LETM1: variants seen among roughly 807,000 people sequenced by gnomAD.
LETM1 encodes mitochondrial proton/calcium exchanger protein.
Under a neutral mutation model 74.5 loss-of-function variants are expected in LETM1, and 50 were observed. That is an observed-to-expected ratio of 0.67 (90% confidence interval 0.53 to 0.85). The LOEUF is 0.85. Ranked by LOEUF, LETM1 falls within the 40% of genes least tolerant of loss-of-function variation. LETM1 has a pLI of 0.00. For synonymous variants in LETM1, 446 were observed against 407.1 expected, an observed-to-expected ratio of 1.10 and a Z score of -1.15; for missense variants, 824 against 967.8, an observed-to-expected ratio of 0.85 and a Z score of 1.97.
At chr4:1,833,062 G>A (rs1257416653) in intron 5 of LETM1, 115 bp from the exon 6 acceptor site, 3 of 835,038 alleles carry the variant, frequency 3.6e-6, no homozygotes, top group Non-Finnish European at 5.8e-6. Context: ...TCAAACCACT[G>A]ACTACTTCTT....
intron 10 of LETM1, 113 bp downstream of exon 10, chr4:1,822,068 A>G (rs1711798507): frequency 1.8e-6 from 2 of 1,105,820 alleles, no homozygotes; most frequent in South Asian, 6.8e-5. Context: ...ATCTCCTCTC[A>G]CTGAGGGCTA....
chr4:1,845,518 C>T (rs1002897829), intron 2 of LETM1, among the ~76,000 whole-genome samples: 1 of 151,544 alleles, frequency 6.6e-6, no homozygotes, highest in South Asian at 2.1e-4. Flanking sequence ...GAAACATTAC[C>T]ACCATCCATA....
intron 1 of LETM1, among the ~76,000 whole-genome samples, chr4:1,849,939 C>G (rs780309682): frequency 6.6e-6 from 1 of 152,182 alleles, no homozygotes; most frequent in Non-Finnish European, 1.5e-5. Flanking sequence ...AGTGGATCAC[C>G]TGAGGCCAGG....
intron 6 of LETM1, among the ~76,000 whole-genome samples, chr4:1,831,335 C>T (rs767233299): frequency 1.3e-4 from 20 of 152,228 alleles, no homozygotes; most frequent in Non-Finnish European, 2.4e-4. Context: ...TGCGGGACAG[C>T]GGTGCTGCTT....
rs1195868183 is a variant in LETM1, at chr4:1,841,359, C to T, written c.582G>A (p.Arg194=). 1 of 1,611,902 alleles carries T rather than the reference C, an allele frequency of 6.2e-7. No homozygotes were observed. Among genetic ancestry groups the T allele is most frequent in the African/African-American group, 1.3e-5 (1 of 74,918 alleles). The change falls in exon 3 of 14, where the codon CGG becomes CGA. Residue 194 remains arginine, a synonymous_variant. Coordinates refer to ENST00000302787, the MANE Select transcript of LETM1 (RefSeq NM_012318.3). The part of the protein sequence containing the change: ...RILNGHSLTR[R]ERRQFLRICA... ...ATGTCCCCATTACCTGCCTGCGCTC[C>T]CGGCGGGTCAGGCTGTGGCCGTTGA...
At chr4:1,851,517 T>G (rs1052448470) in intron 1 of LETM1, among the ~76,000 whole-genome samples, 2 of 152,218 alleles carry the variant, frequency 1.3e-5, no homozygotes, top group Non-Finnish European at 2.9e-5. Flanking sequence ...ATTTAGGGCT[T>G]GTAACAGTCC....
chr4:1,848,896 A>AGG (rs1712974964), intron 2 of LETM1, among the ~76,000 whole-genome samples: 1 of 152,258 alleles, frequency 6.6e-6, no homozygotes, highest in South Asian at 2.1e-4. Flanking sequence ...GTTAGGGGAC[A>AGG]GGAAGCCTTC....
At chr4:1,816,589 G>T in intron 12 of LETM1, 138 bp downstream of exon 12, 1 of 773,012 alleles carries the variant, frequency 1.3e-6, no homozygotes, top group Non-Finnish European at 2.1e-6. Flanking sequence ...GGGACTGCTG[G>T]TCAAAGGTGG....
chr4:1,838,845 G>T (rs1712580043), intron 3 of LETM1, among the ~76,000 whole-genome samples: 1 of 152,108 alleles, frequency 6.6e-6, no homozygotes, highest in Non-Finnish European at 1.5e-5. Context: ...CACTCTCTGA[G>T]GCCCATGGTG....
intron 2 of LETM1, among the ~76,000 whole-genome samples, chr4:1,843,400 A>T (rs1712772989): frequency 6.6e-6 from 1 of 152,208 alleles, no homozygotes; most frequent in South Asian, 2.1e-4. Flanking sequence ...TGCAGCCCAG[A>T]GAGGGCAGTG....
chr4:1,841,803 A>G lies in LETM1; in HGVS notation c.144-6T>C. 1 of 1,603,908 alleles carries G rather than the reference A, an allele frequency of 6.2e-7. No homozygotes were observed. Among genetic ancestry groups the G allele is most frequent in the Non-Finnish European group, 8.5e-7 (1 of 1,174,750 alleles). ...AGCAGCCAAATGGAACATTCCTTGA[A>G]AAGGGAAGAGTGGAAAACAGTAGTA... On this transcript the variant is annotated splice_polypyrimidine_tract_variant and splice_region_variant and intron_variant, in intron 2 of 13. Coordinates refer to ENST00000302787, the MANE Select transcript of LETM1 (RefSeq NM_012318.3).
chr4:1,815,822 A>G lies in LETM1; in HGVS notation c.1932-20T>C. On this transcript the variant is annotated intron_variant, in intron 12 of 13. Transcript: ENST00000302787. ...TTCTCCCTGTGGAAGCACAGCCTGC[A>G]TGTGGCCACGGGCAGGCGTCCTGCC... 6.2e-7 allele frequency: 1 copy of G among 1,612,012 alleles called. No individual in the cohort carries two copies. The highest frequency in any genetic ancestry group is 8.5e-7 in the Non-Finnish European group (1 of 1,178,912).
At chr4:1,825,465 G>T in intron 7 of LETM1, 99 bp downstream of exon 7, 1 of 1,464,846 alleles carries the variant, frequency 6.8e-7, no homozygotes, top group Non-Finnish European at 9.3e-7. Context: ...CGCCTCGCCA[G>T]GCCGGCCCAG....
Position 1,823,676 on chromosome 4 carries a change from T to C in LETM1, c.1300A>G (p.Lys434Glu). The C allele has an allele frequency of 6.2e-7, 1 of 1,613,784 alleles. No homozygotes were observed. Among genetic ancestry groups the C allele is most frequent in the Non-Finnish European group, 8.5e-7 (1 of 1,179,828 alleles). The stretch of plus-strand genomic sequence containing the variant: ...TCTGGGAGGGTCTGCAGTGTGGACT[T>C]GAGCTGGTCGGCTGGAGAGAGGGTG... ...PDTLSPADQL[K>E]STLQTLPEIV... Residue 434 changes from lysine (K) to glutamate (E), a missense_variant, in exon 8 of 14, where the codon AAG becomes GAG. Physicochemically the swap from Lys to Glu is moderately conservative, Grantham distance 56 (BLOSUM62 1). Coordinates refer to ENST00000302787, the MANE Select transcript of LETM1 (RefSeq NM_012318.3).
At chr4:1,848,290 T>G (rs1283489286) in intron 2 of LETM1, among the ~76,000 whole-genome samples, 2 of 152,128 alleles carry the variant, frequency 1.3e-5, no homozygotes, top group Non-Finnish European at 2.9e-5. Context: ...GGCTCATGCC[T>G]GTAATCCCAG....
chr4:1,841,744 C>T lies in LETM1; in HGVS notation c.197G>A (p.Arg66Lys). 3.7e-6 allele frequency: 6 copies of T among 1,614,104 alleles called. No homozygotes were observed. The highest frequency in any genetic ancestry group is 1.7e-4 in the Middle Eastern group (1 of 6,060). ...TPIHPVYTSS[R>K]GDHLGCWALR... is the part of the protein sequence containing the mutation. ...AGCCCAACAGCCGAGGTGATCGCCT[C>T]TGGAGGATGTGTACACAGGGTGGAT... The change falls in exon 3 of 14, where the codon AGA becomes AAA. Residue 66 changes from arginine (R) to lysine (K), a missense_variant. Transcript: ENST00000302787.
chr4:1,842,511 T>C (rs1200841027), intron 2 of LETM1, among the ~76,000 whole-genome samples: 1 of 152,158 alleles, frequency 6.6e-6, no homozygotes, highest in Non-Finnish European at 1.5e-5. Context: ...CGCTCTTGCC[T>C]CTCATCCACA....
chr4:1,847,018 T>C (rs1712903124), intron 2 of LETM1, among the ~76,000 whole-genome samples: 1 of 152,070 alleles, frequency 6.6e-6, no homozygotes, highest in African/African-American at 2.4e-5. Flanking sequence ...TTATCTAAAA[T>C]GCAATGCATG....
intron 2 of LETM1, among the ~76,000 whole-genome samples, chr4:1,842,850 G>T (rs933752961): frequency 6.6e-6 from 1 of 152,202 alleles, no homozygotes; most frequent in African/African-American, 2.4e-5. Flanking sequence ...TCATCTGACC[G>T]CAGCGTGGTG....
Sources: gnomAD v4.1 joint callset for allele counts (sites outside exome capture counted in the v4.1 genomes callset) on GRCh38, gnomAD v4.1.1 for gene constraint, MANE v1.5 for transcripts, NCBI Gene and HGNC (gene_info 2026-07-23, HGNC 2026-07-21) for gene names.